The following PEAK1 variants were observed in gnomAD, a reference collection of about 807,000 sequenced individuals.
PEAK1 encodes pseudopodium enriched atypical kinase 1, also known as inactive tyrosine-protein kinase PEAK1.
PEAK1 carries 54 observed loss-of-function variants against 124.7 expected under a neutral mutation model. That is an observed-to-expected ratio of 0.43 (90% CI 0.35 to 0.54). The LOEUF (loss-of-function observed/expected upper bound fraction) is 0.54. Ranked by LOEUF, PEAK1 falls within the 20% of genes least tolerant of loss-of-function variation. The probability of loss-of-function intolerance (pLI) is 0.01; values close to 1 mark genes in which losing one functional copy is unlikely to be tolerated. For synonymous variants in PEAK1, 719 were observed against 760.0 expected (o/e 0.95, Z 0.89); for missense variants, 2,046 against 2,134.5 (o/e 0.96, Z 0.82).
intron 6 of PEAK1, 121 bp from the exon 7 acceptor site, chr15:77,182,161 G>A: frequency 1.1e-6 from 1 of 879,130 alleles, no homozygotes; most frequent in Non-Finnish European, 1.5e-6. Flanking sequence ...AAAAGACTGA[G>A]AGCTAAACTA....
chr15:77,148,469 T>C lies in PEAK1; in HGVS notation c.3331+10034A>G, dbSNP rs150632185. Among the ~76,000 whole-genome samples, 354 of 152,326 alleles carry C rather than the reference T, an allele frequency of 2.3e-3. 1 individual carries two copies. Among genetic ancestry groups the C allele is most frequent in the Non-Finnish European group, 3.5e-3 (236 of 68,028 alleles). Reference sequence around the variant, plus strand: ...GTTAGCTACCTTGGGGATCCTGTAGTCTGTTTTTCATTTCACATCTTTGGT... The same window carrying C: ...GTTAGCTACCTTGGGGATCCTGTAGCCTGTTTTTCATTTCACATCTTTGGT... On this transcript the variant is annotated intron_variant, in intron 8 of 9. Coordinates refer to ENST00000682557, the MANE Select transcript of PEAK1 (RefSeq NM_001385026.1).
intron 5 of PEAK1, among the ~76,000 whole-genome samples, chr15:77,253,559 C>T (rs1247635721): frequency 6.6e-6 from 1 of 152,094 alleles, no homozygotes; most frequent in Admixed American, 6.5e-5. Flanking sequence ...TATTGTATGT[C>T]TATTAACAAT....
chr15:77,167,160 T>C (rs2056159794), intron 7 of PEAK1, among the ~76,000 whole-genome samples: 1 of 152,136 alleles, frequency 6.6e-6, no homozygotes, highest in African/African-American at 2.4e-5. Context: ...AAAATTTTCT[T>C]CAGAAGTGAT....
In PEAK1 at chr15:77,168,237, G is replaced by A. The variant is rs12912012; in HGVS notation, c.3138-9541C>T. On this transcript the variant is annotated intron_variant, in intron 7 of 9. Transcript: ENST00000682557. ...TACATGCACATATGCATGTGCGCGCGCACACACACACACACACACACACAC... is the reference window on the plus strand; with the variant it reads ...TACATGCACATATGCATGTGCGCGCACACACACACACACACACACACACAC... 4.6e-3 allele frequency among the ~76,000 whole-genome samples: 683 copies of A among 147,266 alleles called. 5 individuals carry two copies. Among genetic ancestry groups the A allele is most frequent in the African/African-American group, 0.013 (533 of 39,958 alleles).
At chr15:77,178,434 C>T (rs1288139098) in intron 7 of PEAK1, 3 of 281,868 alleles carry the variant, frequency 1.1e-5, no homozygotes, top group Non-Finnish European at 2.0e-5. Flanking sequence ...ACAGTACCAC[C>T]ATTTATTCAT....
chr15:77,330,729 G>A (rs2065843057), intron 2 of PEAK1, among the ~76,000 whole-genome samples: 1 of 152,094 alleles, frequency 6.6e-6, no homozygotes, highest in Non-Finnish European at 1.5e-5. Flanking sequence ...CTGACCTATG[G>A]TATATAAAAC....
intron 2 of PEAK1, chr15:77,347,867 A>G: frequency 2.0e-6 from 2 of 984,438 alleles, no homozygotes; most frequent in Non-Finnish European, 2.4e-6. Flanking sequence ...ACAATGCTAC[A>G]TTTAAAAATA....
intron 2 of PEAK1, among the ~76,000 whole-genome samples, chr15:77,356,495 C>A (rs2141501374): frequency 6.6e-6 from 1 of 152,256 alleles, no homozygotes; most frequent in Middle Eastern, 3.4e-3. Context: ...TATGACCCAG[C>A]AATTACATTC....
chr15:77,374,105 A>C (rs891242146), intron 1 of PEAK1, among the ~76,000 whole-genome samples: 1 of 152,258 alleles, frequency 6.6e-6, no homozygotes, highest in African/African-American at 2.4e-5. Context: ...TCTATAAAGT[A>C]AGTCTCCATA....
chr15:77,378,076 A>T (rs898333342), intron 1 of PEAK1, among the ~76,000 whole-genome samples: 1 of 152,052 alleles, frequency 6.6e-6, no homozygotes, highest in Admixed American at 6.6e-5. Flanking sequence ...CTAGCCTATC[A>T]TTTGAATATG....
chr15:77,316,212 A>G (rs1037881298), intron 2 of PEAK1, among the ~76,000 whole-genome samples: 41 of 152,298 alleles, frequency 2.7e-4, no homozygotes, highest in African/African-American at 9.6e-4. Flanking sequence ...CATACCCAAC[A>G]GGTTTAGTTT....
chr15:77,215,903 A>G (rs1209808869), intron 6 of PEAK1, among the ~76,000 whole-genome samples: 1 of 93,360 alleles, frequency 1.1e-5, no homozygotes, highest in South Asian at 2.8e-4. Flanking sequence ...ATTTTGAGAT[A>G]TATTTTATAT....
chr15:77,278,580 C>T, intron 5 of PEAK1: 1 of 501,664 alleles, frequency 2.0e-6, no homozygotes. Context: ...AAGCCAGAGA[C>T]CAAGCCTAAA....
intron 2 of PEAK1, among the ~76,000 whole-genome samples, chr15:77,342,617 C>CTTCT (rs1182551696): frequency 6.6e-6 from 1 of 151,990 alleles, no homozygotes; most frequent in African/African-American, 2.4e-5. Flanking sequence ...CTATGTTGCC[C>CTTCT]AGACTAGTCT....
intron 6 of PEAK1, among the ~76,000 whole-genome samples, chr15:77,197,212 T>C (rs1164851865): frequency 1.8e-4 from 27 of 152,094 alleles, no homozygotes; most frequent in Admixed American, 1.7e-3. Flanking sequence ...TACATGGCAA[T>C]AGATATTGCT....
chr15:77,135,425 A>C (rs2053232776), intron 8 of PEAK1, among the ~76,000 whole-genome samples: 1 of 152,238 alleles, frequency 6.6e-6, no homozygotes, highest in Non-Finnish European at 1.5e-5. Flanking sequence ...AAAATCATAG[A>C]GTGTACTTAC....
chr15:77,275,161 G>A (rs559164152), intron 5 of PEAK1, among the ~76,000 whole-genome samples: 1 of 152,262 alleles, frequency 6.6e-6, no homozygotes, highest in East Asian at 1.9e-4. Flanking sequence ...TTGAGGACTT[G>A]GAGGAATGAT....
At chr15:77,392,516 G>C (rs1042016430) in intron 1 of PEAK1, among the ~76,000 whole-genome samples, 1 of 152,116 alleles carries the variant, frequency 6.6e-6, no homozygotes, top group African/African-American at 2.4e-5. Context: ...TTCAACTCAT[G>C]GCCCAAAGAT....
At chr15:77,263,996 C>T (rs1055989509) in intron 5 of PEAK1, among the ~76,000 whole-genome samples, 41 of 151,964 alleles carry the variant, frequency 2.7e-4, no homozygotes, top group African/African-American at 7.5e-4. Context: ...ACAGAACCAA[C>T]GACAAAAACC....
Sources: gnomAD v4.1 joint callset for allele counts (sites outside exome capture counted in the v4.1 genomes callset) on GRCh38, gnomAD v4.1.1 for gene constraint, MANE v1.5 for transcripts, NCBI Gene and HGNC (gene_info 2026-07-23, HGNC 2026-07-21) for gene names.